Variants in ZNF26 observed in about 807,000 individuals in gnomAD.
ZNF26 encodes zinc finger protein 26.
Under a neutral mutation model 54.9 loss-of-function variants are expected in ZNF26, and 32 were observed. The ratio of observed to expected loss-of-function variants is 0.58; its 90% CI spans 0.44 to 0.78. The LOEUF is 0.78. Among genes scored for constraint, ZNF26 ranks in the 30% least tolerant of loss-of-function variants. The probability of loss-of-function intolerance (pLI) is 0.00; values close to 1 mark genes in which losing one functional copy is unlikely to be tolerated. For missense variants in ZNF26, 524 were observed against 634.0 expected (o/e 0.83, Z 1.86); for synonymous variants, 221 against 209.2 (o/e 1.06, Z -0.49).
intron 1 of ZNF26, among the ~76,000 whole-genome samples, chr12:132,993,060 T>G (rs1323977676): frequency 6.9e-6 from 1 of 144,386 alleles, no homozygotes; most frequent in Non-Finnish European, 1.5e-5. Context: ...AGTCTCACTT[T>G]CTTGCCCAGG....
chr12:132,995,518 C>A (rs1425154437), intron 1 of ZNF26, among the ~76,000 whole-genome samples: 2 of 151,842 alleles, frequency 1.3e-5, no homozygotes, highest in Non-Finnish European at 2.9e-5. Flanking sequence ...CTAACATCAT[C>A]TGGATCATCT....
chr12:132,989,028 ATTTTTTTTTTTT>A (rs150395603), intron 1 of ZNF26, among the ~76,000 whole-genome samples: 2 of 78,826 alleles, frequency 2.5e-5, no homozygotes, highest in Non-Finnish European at 4.6e-5. Flanking sequence ...CTTTCGGTGA[ATTTTTTTTTTTT>A]TTTTTTTTTT....
At chr12:132,988,408 A>AT (rs1566250344) in intron 1 of ZNF26, among the ~76,000 whole-genome samples, 69 of 150,140 alleles carry the variant, frequency 4.6e-4, no homozygotes, top group Admixed American at 1.2e-3. Flanking sequence ...GCTAATTAAA[A>AT]ATTTTTTTTT....
chr12:132,995,742 C>A (rs1953067439), intron 1 of ZNF26, among the ~76,000 whole-genome samples: 1 of 152,104 alleles, frequency 6.6e-6, no homozygotes, highest in African/African-American at 2.4e-5. Context: ...ACCTCCGCCT[C>A]CTGGGTTCAA....
chr12:132,991,137 G>A (rs1311897600), intron 1 of ZNF26, among the ~76,000 whole-genome samples: 1 of 151,710 alleles, frequency 6.6e-6, no homozygotes, highest in Non-Finnish European at 1.5e-5. Flanking sequence ...GGGATTACAG[G>A]CATGAGCCAC....
rs1953356883 is a variant in ZNF26 at position 133,007,486 on chromosome 12, A to G, written c.210A>G (p.Glu70=). The change falls in exon 3 of 4, where the codon GAA becomes GAG. Residue 70 remains glutamate, a synonymous_variant. Coordinates refer to ENST00000328654, the MANE Select transcript of ZNF26 (RefSeq NM_019591.4). ...PDLIFKLEQG[E]DPWIINAKIS... ...TAATCTTCAAGTTGGAACAAGGAGA[A>G]GATCCATGGATAATAAATGCCAAAA... 6 of 1,614,042 alleles carry G rather than the reference A, an allele frequency of 3.7e-6. No individual in the cohort carries two copies. The highest frequency in any genetic ancestry group is 1.7e-4 in the Middle Eastern group (1 of 6,060).
rs1953518489 is a variant in ZNF26 at position 133,013,153 on chromosome 12, A to G, written c.*1672A>G. ...ATAAGAATTTTAAATTTATGAGAAA[A>G]TCTGAGACAGGGGCAGAGATGGCTG... On this transcript the variant is annotated 3_prime_UTR_variant, in exon 4 of 4. Transcript: ENST00000328654. 6.6e-6 allele frequency: 1 copy of G among 152,172 alleles called. No homozygotes were observed. The highest frequency in any genetic ancestry group is 1.9e-4 in the East Asian group (1 of 5,202). The allele number at this position is 152,172 out of a possible 1,614,324, so 9.4% of individuals were successfully genotyped here. A position where few individuals can be genotyped will look rare whatever the true frequency, so the allele number is the denominator to read the frequency against.
In ZNF26 at chr12:133,017,527, T is replaced by C. The variant is rs1566269784; in HGVS notation, c.*6046T>C. ...GTACACAGGTCCAAGAGCCAAGGAG[T>C]GGGAACGGGATCAGCTCCACTTAAC... is the stretch of plus-strand genomic sequence containing the variant. On this transcript the variant is annotated 3_prime_UTR_variant, in exon 4 of 4. Coordinates refer to ENST00000328654, the MANE Select transcript of ZNF26 (RefSeq NM_019591.4). 2.6e-5 allele frequency: 4 copies of C among 151,738 alleles called. No homozygotes were observed. The East Asian group carries it at 7.8e-4, about 30-fold the overall frequency. 9.4% of individuals were successfully genotyped at this position (151,738 alleles called of 1,614,324 possible).
Position 133,001,571 on chromosome 12 carries a change from G to A in ZNF26, c.34-5471G>A. The A allele has an allele frequency of 1.1e-6, 1 of 949,820 alleles. No individual in the cohort carries two copies. Among genetic ancestry groups the A allele is most frequent in the South Asian group, 1.4e-5 (1 of 72,892 alleles). 58.8% of individuals were successfully genotyped at this position (949,820 alleles called of 1,614,324 possible). A position where few individuals can be genotyped will look rare whatever the true frequency, so the allele number is the denominator to read the frequency against. ...GGTGTATGTGATTCTTTCTCTCACT[G>A]CATGCAGACTCACCCAGAAGTCCAC... On this transcript the variant is annotated intron_variant, in intron 1 of 3. Transcript: ENST00000328654. The surrounding 1 kb of genome is among the most constrained non-coding windows in gnomAD (Gnocchi z 4.7).
At position 133,012,527 on chromosome 12, in the gene ZNF26, G is replaced by T; in HGVS notation, c.*1046G>T. The T allele has an allele frequency of 7.2e-6, 1 of 138,382 alleles. No homozygotes were observed. The highest frequency in any genetic ancestry group is 7.6e-5 in the Admixed American group (1 of 13,232). The allele number at this position is 138,382 out of a possible 1,614,324, so 8.6% of individuals were successfully genotyped here. On this transcript the variant is annotated 3_prime_UTR_variant, in exon 4 of 4. Coordinates refer to ENST00000328654, the MANE Select transcript of ZNF26 (RefSeq NM_019591.4). ...CCTTTAGAACCTGCTTCTCTGATCT[G>T]TGTGTTTCCTCACTTCTCAATAAAA...
intron 1 of ZNF26, among the ~76,000 whole-genome samples, chr12:133,000,593 T>A (rs376704249): frequency 6.6e-6 from 1 of 151,974 alleles, no homozygotes; most frequent in Non-Finnish European, 1.5e-5. Flanking sequence ...CCCAGCTAAT[T>A]TTTTGTATTT....
chr12:132,990,301 A>C (rs1241339285), intron 1 of ZNF26, among the ~76,000 whole-genome samples: 2 of 152,154 alleles, frequency 1.3e-5, no homozygotes, highest in East Asian at 3.8e-4. Context: ...AAAGAAAAAA[A>C]GTTTTTTCTG....
rs1953555055 is a variant in ZNF26, at chr12:133,015,476, A to C, written c.*3995A>C. On this transcript the variant is annotated 3_prime_UTR_variant, in exon 4 of 4. Coordinates refer to ENST00000328654, the MANE Select transcript of ZNF26 (RefSeq NM_019591.4). ...GGCCTCAATTATCAACTTGTGGCAA[A>C]AGAATAAGAAAGAGAACTAAAAAAT... 6.6e-6 allele frequency: 1 copy of C among 151,710 alleles called. No homozygotes were observed. The highest frequency in any genetic ancestry group is 1.5e-5 in the Non-Finnish European group (1 of 67,956). The allele number at this position is 151,710 out of a possible 1,614,324, so 9.4% of individuals were successfully genotyped here.
In ZNF26 at chr12:133,026,519, CTTTTTT is replaced by C. The variant is rs77349696; in HGVS notation, c.*15058_*15063del. ...AAAAGGACAACTTCATATAGTTCAA[CTTTTTT>C]TTTTTTTTTTTTTTTTTTTGATACA... On this transcript the variant is annotated 3_prime_UTR_variant, in exon 4 of 4. Coordinates refer to ENST00000328654, the MANE Select transcript of ZNF26 (RefSeq NM_019591.4). 3.2e-4 allele frequency: 39 copies of C among 122,462 alleles called. No individual in the cohort carries two copies. The highest frequency in any genetic ancestry group is 3.3e-4 in the Non-Finnish European group (20 of 61,434). The allele number at this position is 122,462 out of a possible 1,614,324, so 7.6% of individuals were successfully genotyped here.
rs1953501414 is a variant in ZNF26, at chr12:133,012,578, G to GGT, written c.*1097_*1098insGT. The GGT allele has an allele frequency of 2.7e-5, 1 of 37,652 alleles. No individual in the cohort carries two copies. Among genetic ancestry groups the GGT allele is most frequent in the Admixed American group, 3.5e-4 (1 of 2,836 alleles). 2.3% of individuals were successfully genotyped at this position (37,652 alleles called of 1,614,324 possible). A position where few individuals can be genotyped will look rare whatever the true frequency, so the allele number is the denominator to read the frequency against. On this transcript the variant is annotated 3_prime_UTR_variant, in exon 4 of 4. Transcript: ENST00000328654. ...ATGTCTTTTGCTTTTTGTTGTTTGG[G>GGT]TTTTTTTTTTTTTTTTTTTTTTTTT...
intron 2 of ZNF26, 65 bp from the exon 3 acceptor site, chr12:133,007,372 C>G: frequency 7.0e-7 from 1 of 1,426,100 alleles, no homozygotes. Context: ...TGCTCTGTAG[C>G]TCTTGATTCC....
In ZNF26 at chr12:133,011,115, C is replaced by T. The variant is rs1203936228; in HGVS notation, c.1236C>T (p.Tyr412=). 1 of 1,613,856 alleles carries T rather than the reference C, an allele frequency of 6.2e-7. No homozygotes were observed. Among genetic ancestry groups the T allele is most frequent in the African/African-American group, 1.3e-5 (1 of 74,850 alleles). The part of the protein sequence containing the change: ...ECGKAFSSKS[Y]LVIHRRTHTG... ...GGAAGGCTTTCAGCAGCAAGTCATACCTTGTTATACATAGGAGAACACACA... is the reference window on the plus strand; with the variant it reads ...GGAAGGCTTTCAGCAGCAAGTCATATCTTGTTATACATAGGAGAACACACA... The change falls in exon 4 of 4, where the codon TAC becomes TAT. Residue 412 remains tyrosine, a synonymous_variant. Transcript: ENST00000328654.
intron 1 of ZNF26, among the ~76,000 whole-genome samples, chr12:132,992,479 C>T (rs952648386): frequency 5.3e-5 from 8 of 152,008 alleles, no homozygotes; most frequent in East Asian, 1.9e-4. Flanking sequence ...TTGGTATTCT[C>T]GGATTTTCCT....
At chr12:133,010,054 C>T (rs1425383432) in intron 3 of ZNF26, 82 bp from the exon 4 acceptor site, 2 of 1,378,716 alleles carry the variant, frequency 1.5e-6, no homozygotes, top group Non-Finnish European at 2.0e-6. Flanking sequence ...AGGTTGATTA[C>T]ATCACAGTCC....
Sources: allele counts gnomAD v4.1 joint callset (sites outside exome capture counted in the v4.1 genomes callset), GRCh38; gene constraint gnomAD v4.1.1; non-coding constraint Gnocchi (gnomAD v3.1); transcripts MANE v1.5; gene names NCBI Gene and HGNC (gene_info 2026-07-23, HGNC 2026-07-21).